The following CADM2 variants were observed in gnomAD, a reference collection of about 807,000 sequenced individuals.
CADM2 encodes the protein immunoglobulin superfamily member 4D.
In CADM2, 12 loss-of-function variants were observed where a neutral mutation model predicts 49.8. The observed-to-expected ratio is 0.24, with a 90% CI of 0.15 to 0.39. CADM2 has a LOEUF of 0.39. CADM2 is among the 10% of genes least tolerant of loss of function. CADM2 has a pLI of 1.00. For missense variants in CADM2, 378 were observed against 492.3 expected (o/e 0.77, Z 2.20); for synonymous variants, 214 against 175.4 (o/e 1.22, Z -1.74).
At chr3:85,089,047 C>A (rs987247413) in intron 1 of CADM2, among the ~76,000 whole-genome samples, 1 of 152,032 alleles carries the variant, frequency 6.6e-6, no homozygotes, top group Admixed American at 6.6e-5. Flanking sequence ...GAGCTCTAGA[C>A]AATCTGAAAC....
chr3:85,277,925 A>C, intron 1 of CADM2, among the ~76,000 whole-genome samples: 1 of 151,414 alleles, frequency 6.6e-6, no homozygotes, highest in Non-Finnish European at 1.5e-5. Context: ...TGACTCATTT[A>C]GGCTACAATA....
intron 1 of CADM2, among the ~76,000 whole-genome samples, chr3:85,383,325 C>T (rs1232050233): frequency 6.6e-6 from 1 of 151,642 alleles, no homozygotes; most frequent in East Asian, 1.9e-4. Context: ...GTTAATTTGT[C>T]TGAAGTTTTC....
chr3:84,965,876 A>G (rs925639949), intron 1 of CADM2, among the ~76,000 whole-genome samples: 1 of 152,180 alleles, frequency 6.6e-6, no homozygotes, highest in African/African-American at 2.4e-5. Flanking sequence ...GTTATGTCAC[A>G]TCAATAGAGA....
chr3:85,087,378 A>G (rs1176048976), intron 1 of CADM2, among the ~76,000 whole-genome samples: 1 of 152,196 alleles, frequency 6.6e-6, no homozygotes, highest in Non-Finnish European at 1.5e-5. Flanking sequence ...TGTAACAGAC[A>G]TAAGTTATTC....
chr3:85,597,678 G>A (rs1449402), intron 1 of CADM2, among the ~76,000 whole-genome samples: 90,242 of 151,848 alleles, frequency 0.59, 28,297 homozygotes, highest in East Asian at 0.93. Flanking sequence ...TTTTGAATCA[G>A]AGGACATTTT....
At position 85,446,991 on chromosome 3, in the gene CADM2, CATATATATATATATATATATATAT is replaced by C. The variant is rs141177883; in HGVS notation, c.62-279514_62-279491del. 1.9e-3 allele frequency among the ~76,000 whole-genome samples: 103 copies of C among 54,564 alleles called. 10 individuals are homozygous for C. Among genetic ancestry groups the C allele is most frequent in the South Asian group, 0.011 (10 of 938 alleles). The allele number at this position is 54,564 out of a possible 152,430, so 35.8% of individuals were successfully genotyped here. ...AATGACTTAAGCCTAATATGTATTG[CATATATATATATATATATATATAT>C]ATATATATATATATATGCTTAGTAT... On this transcript the variant is annotated intron_variant, in intron 1 of 9. Transcript: ENST00000383699.
intron 8 of CADM2, among the ~76,000 whole-genome samples, chr3:86,021,173 T>A (rs1403529090): frequency 6.6e-6 from 1 of 152,104 alleles, no homozygotes; most frequent in Non-Finnish European, 1.5e-5. Flanking sequence ...CTAATTTTTG[T>A]ATTTTTAGTA....
intron 1 of CADM2, among the ~76,000 whole-genome samples, chr3:85,199,390 A>AGAGAGAGAGAGAGAGAGAG (rs1576100575): frequency 1.3e-5 from 2 of 150,180 alleles, no homozygotes; most frequent in African/African-American, 2.5e-5. Context: ...AGAGAGAGAG[A>AGAGAGAGAGAGAGAGAGAG]AGCCCAAATA....
intron 3 of CADM2, among the ~76,000 whole-genome samples, chr3:85,831,670 A>G (rs2074193134): frequency 6.7e-6 from 1 of 150,316 alleles, no homozygotes; most frequent in South Asian, 2.1e-4. Flanking sequence ...TCCCTTTTTT[A>G]ATGGGTTTAT....
chr3:85,038,710 A>G (rs1226549470), intron 1 of CADM2, among the ~76,000 whole-genome samples: 3 of 152,168 alleles, frequency 2.0e-5, no homozygotes, highest in Non-Finnish European at 4.4e-5. Flanking sequence ...GTGGGGATAA[A>G]TGAAAGATCT....
At chr3:85,523,376 C>G (rs1262576364) in intron 1 of CADM2, among the ~76,000 whole-genome samples, 1 of 152,082 alleles carries the variant, frequency 6.6e-6, no homozygotes, top group Non-Finnish European at 1.5e-5. Flanking sequence ...AATTATGCAT[C>G]TCTTTCTTCA....
intron 1 of CADM2, among the ~76,000 whole-genome samples, chr3:85,377,355 G>A (rs1485772899): frequency 6.6e-6 from 1 of 152,008 alleles, no homozygotes; most frequent in Non-Finnish European, 1.5e-5. Flanking sequence ...ACAGAGGCTG[G>A]GAAGGACCTT....
chr3:84,982,702 CATATATATATATAT>C (rs71104999), intron 1 of CADM2, among the ~76,000 whole-genome samples: 12,692 of 76,426 alleles, frequency 0.17, 1,139 homozygotes, highest in Middle Eastern at 0.3. Flanking sequence ...AACTATAAAG[CATATATATATATAT>C]ATATATATAT....
intron 1 of CADM2, among the ~76,000 whole-genome samples, chr3:85,597,950 T>C (rs2063291637): frequency 6.6e-6 from 1 of 152,068 alleles, no homozygotes; most frequent in South Asian, 2.1e-4. Context: ...TATTTTAAAA[T>C]TCTTGTAATA....
At chr3:85,164,422 C>A (rs2040414814) in intron 1 of CADM2, among the ~76,000 whole-genome samples, 1 of 151,976 alleles carries the variant, frequency 6.6e-6, no homozygotes, top group African/African-American at 2.4e-5. Context: ...AATCTTTGCT[C>A]CTATTTAGGC....
At chr3:85,801,460 T>G (rs2072031201) in intron 2 of CADM2, among the ~76,000 whole-genome samples, 1 of 152,140 alleles carries the variant, frequency 6.6e-6, no homozygotes. Flanking sequence ...ATTCTACACT[T>G]TTTAAAGAGT....
intron 1 of CADM2, among the ~76,000 whole-genome samples, chr3:84,972,995 A>C (rs1043032487): frequency 2.6e-5 from 4 of 152,150 alleles, no homozygotes; most frequent in African/African-American, 9.7e-5. Flanking sequence ...CCTCACTGCA[A>C]CTTCCGCCTC....
At position 85,707,781 on chromosome 3, in the gene CADM2, G is replaced by A. The variant is rs115278070; in HGVS notation, c.62-18741G>A. 2.4e-3 allele frequency among the ~76,000 whole-genome samples: 369 copies of A among 151,926 alleles called. 1 individual carries two copies. The highest frequency in any genetic ancestry group is 7.9e-3 in the African/African-American group (326 of 41,448). ...CTTTTTAAGTATAAGATTTCCTTCCGTCTAAATTTTAATCTTTCTAACAGC... is the reference window on the plus strand; with the variant it reads ...CTTTTTAAGTATAAGATTTCCTTCCATCTAAATTTTAATCTTTCTAACAGC... On this transcript the variant is annotated intron_variant, in intron 1 of 9. Coordinates refer to ENST00000383699, the MANE Select transcript of CADM2 (RefSeq NM_001167675.2).
chr3:85,006,017 C>T (rs750671017), intron 1 of CADM2, among the ~76,000 whole-genome samples: 8 of 152,002 alleles, frequency 5.3e-5, no homozygotes, highest in Non-Finnish European at 1.2e-4. Flanking sequence ...TATAGATGTA[C>T]GGCCAGCAGA....
Sources: allele counts gnomAD v4.1 joint callset (sites outside exome capture counted in the v4.1 genomes callset), GRCh38; gene constraint gnomAD v4.1.1; transcripts MANE v1.5; gene names NCBI Gene and HGNC (gene_info 2026-07-23, HGNC 2026-07-21).